The following MPDZ variants were observed in gnomAD, a reference collection of about 807,000 sequenced individuals.
MPDZ encodes multiple PDZ domain protein.
A neutral mutation model predicts 239.1 loss-of-function variants in MPDZ; 234 were observed. The ratio of observed to expected loss-of-function variants is 0.98; its 90% CI spans 0.88 to 1.09. MPDZ has a LOEUF of 1.09. MPDZ is among the 50% of genes least tolerant of loss of function. The pLI, the probability that MPDZ is intolerant of heterozygous loss-of-function variation, is 0.00. For missense variants in MPDZ, 3,175 were observed against 2,510.0 expected, an observed-to-expected ratio of 1.26 and a Z score of -5.66; for synonymous variants, 1,048 against 881.3, an observed-to-expected ratio of 1.19 and a Z score of -3.35.
intron 3 of MPDZ, among the ~76,000 whole-genome samples, chr9:13,227,497 G>C (rs1253211164): frequency 6.6e-6 from 1 of 151,994 alleles, no homozygotes; most frequent in African/African-American, 2.4e-5. Context: ...CACACACCAA[G>C]ACCTAATGGC....
chr9:13,198,250 T>C (rs775064155), intron 12 of MPDZ, among the ~76,000 whole-genome samples: 3 of 152,112 alleles, frequency 2.0e-5, no homozygotes, highest in Admixed American at 6.6e-5. Context: ...CACATCCTTG[T>C]CAGCATTCAT....
intron 24 of MPDZ, among the ~76,000 whole-genome samples, chr9:13,153,610 T>A (rs547608866): frequency 1.3e-5 from 2 of 152,026 alleles, no homozygotes; most frequent in Admixed American, 1.3e-4. Flanking sequence ...AGTGCTGAGA[T>A]TATAGGCATG....
intron 3 of MPDZ, among the ~76,000 whole-genome samples, chr9:13,226,683 A>C (rs1006081448): frequency 8.8e-5 from 13 of 148,516 alleles, no homozygotes; most frequent in African/African-American, 3.0e-4. Flanking sequence ...GGCACTCATT[A>C]CCACCTGATC....
chr9:13,162,360 A>C (rs1475713258), intron 23 of MPDZ, among the ~76,000 whole-genome samples: 1 of 152,080 alleles, frequency 6.6e-6, no homozygotes, highest in Non-Finnish European at 1.5e-5. Context: ...AAAAGAGTAA[A>C]AAAATCATAC....
chr9:13,110,072 CAGG>C lies in MPDZ; in HGVS notation c.5830-11_5830-9del, dbSNP rs1942182494. The C allele has an allele frequency of 1.2e-6, 2 of 1,607,242 alleles. No individual in the cohort carries two copies. Among genetic ancestry groups the C allele is most frequent in the Non-Finnish European group, 1.7e-6 (2 of 1,176,072 alleles). ...GTCTCCTCCAGCAACCACCTGCGCA[CAGG>C]AGGAGGATAAACAGAAAAAACACAT... On this transcript the variant is annotated splice_polypyrimidine_tract_variant and intron_variant, in intron 44 of 46. Transcript: ENST00000319217.
chr9:13,196,649 A>C (rs1432716387), intron 12 of MPDZ, among the ~76,000 whole-genome samples: 1 of 152,122 alleles, frequency 6.6e-6, no homozygotes, highest in Non-Finnish European at 1.5e-5. Context: ...CACAAAATCA[A>C]ACAAATGAAA....
chr9:13,146,704 A>G (rs979494891), intron 26 of MPDZ, among the ~76,000 whole-genome samples: 6 of 152,024 alleles, frequency 3.9e-5, no homozygotes, highest in Non-Finnish European at 7.4e-5. Flanking sequence ...AAGAACTTTC[A>G]AAGGGGTATG....
intron 2 of MPDZ, among the ~76,000 whole-genome samples, chr9:13,250,096 T>TA (rs1355418111): frequency 1.3e-5 from 2 of 152,204 alleles, no homozygotes; most frequent in Non-Finnish European, 2.9e-5. Context: ...TTTTTGCTTA[T>TA]AAGTAACGTA....
chr9:13,126,547 T>C lies in MPDZ; in HGVS notation c.4601A>G (p.Asp1534Gly), dbSNP rs1477401226. 1 of 1,578,738 alleles carries C rather than the reference T, an allele frequency of 6.3e-7. No individual in the cohort carries two copies. The highest frequency in any genetic ancestry group is 2.3e-5 in the East Asian group (1 of 43,604). The change falls in exon 34 of 47, where the codon GAT becomes GGT. Residue 1534 changes from aspartate (D) to glycine (G), a missense_variant. Asp to Gly is a moderately conservative substitution (Grantham distance 94, BLOSUM62 -1). Coordinates refer to ENST00000319217, the MANE Select transcript of MPDZ (RefSeq NM_001378778.1). The part of the protein sequence containing the change: ...KVGDQILAVD[D>G]EIVVGYPIEK... ...AATAGGGTAACCAACAACAATTTCA[T>C]CATCTACAGCCAGTATCTGATCTCC...
intron 36 of MPDZ, among the ~76,000 whole-genome samples, chr9:13,122,874 A>T (rs1197831275): frequency 6.6e-6 from 1 of 152,146 alleles, no homozygotes; most frequent in Non-Finnish European, 1.5e-5. Flanking sequence ...AGGAAATTAA[A>T]ATGTAGCAAG....
rs145889448 is a variant in MPDZ at position 13,212,791 on chromosome 9, TA to T, written c.1290+3982del. 8.1e-3 allele frequency among the ~76,000 whole-genome samples: 891 copies of T among 110,566 alleles called. 6 individuals carry two copies. Among genetic ancestry groups the T allele is most frequent in the African/African-American group, 0.023 (655 of 28,920 alleles). The allele number at this position is 110,566 out of a possible 152,430, so 72.5% of individuals were successfully genotyped here. On this transcript the variant is annotated intron_variant, in intron 10 of 46. Transcript: ENST00000319217. ...AGTTCAAGACCACCTGGTCAAGGTTTAAAAAAAAAAAAAAAAAAAAAAAGAA... is the reference window on the plus strand; with the variant it reads ...AGTTCAAGACCACCTGGTCAAGGTTTAAAAAAAAAAAAAAAAAAAAAAGAA...
chr9:13,250,184 T>G, intron 2 of MPDZ, 116 bp downstream of exon 2: 3 of 966,408 alleles, frequency 3.1e-6, no homozygotes, highest in Non-Finnish European at 4.5e-6. Flanking sequence ...GTAAAAACTT[T>G]TTAAATCTAG....
chr9:13,165,258 C>A, intron 22 of MPDZ: 1 of 1,068,522 alleles, frequency 9.4e-7, no homozygotes, highest in South Asian at 1.6e-5. Flanking sequence ...TATACAAAAT[C>A]TATATCTGGA....
chr9:13,252,101 A>G (rs1968195514), intron 1 of MPDZ, among the ~76,000 whole-genome samples: 1 of 152,206 alleles, frequency 6.6e-6, no homozygotes, highest in Non-Finnish European at 1.5e-5. Flanking sequence ...CCATATAGAT[A>G]GGCATTCCAA....
rs916943355 is a variant in MPDZ at position 13,250,472 on chromosome 9, C to T, written c.-57-100G>A. 55 of 620,778 alleles carry T rather than the reference C, an allele frequency of 8.9e-5. No homozygotes were observed. In the Middle Eastern group the frequency reaches 1.1e-3, roughly 12 times the overall value. The allele number at this position is 620,778 out of a possible 1,614,324, so 38.5% of individuals were successfully genotyped here. On this transcript the variant is annotated intron_variant, in intron 1 of 46. Transcript: ENST00000319217. ...CTTGATACAACTCTAATTCCTTTGA[C>T]CATTAAAATCTTGTTGATACAACTT... is the stretch of plus-strand genomic sequence containing the variant.
At chr9:13,120,272 C>T (rs1159569366) in intron 38 of MPDZ, 1 of 151,796 alleles carries the variant, frequency 6.6e-6, no homozygotes, top group Non-Finnish European at 1.5e-5. Flanking sequence ...CCCAAAACTT[C>T]TAAAGATACG....
intron 1 of MPDZ, 117 bp downstream of exon 1, chr9:13,279,283 C>A: frequency 7.3e-6 from 1 of 137,798 alleles, no homozygotes; most frequent in Non-Finnish European, 1.6e-5. Flanking sequence ...CCATCCCCGC[C>A]CCCACCCCCA....
At position 13,190,208 on chromosome 9, in the gene MPDZ, A is replaced by G. The variant is rs761409705; in HGVS notation, c.2060T>C (p.Val687Ala). 6 of 1,612,692 alleles carry G rather than the reference A, an allele frequency of 3.7e-6. No homozygotes were observed. The African/African-American group carries it at 6.7e-5, about 18-fold the overall frequency. ...CTCCCACATGGCCAAAGGTGCTTGA[A>G]CCTCTTCTGTACTCTGACCCGCATC... The part of the protein sequence containing the change: ...MTDAGQSTEE[V>A]QAPLAMWEAG... The change falls in exon 16 of 47, where the codon GTT becomes GCT. Residue 687 changes from valine to alanine, a missense_variant. Coordinates refer to ENST00000319217, the MANE Select transcript of MPDZ (RefSeq NM_001378778.1).
In MPDZ at chr9:13,149,728, G is replaced by A. The variant is rs191235456; in HGVS notation, c.3630+783C>T. Among the ~76,000 whole-genome samples, 72 of 152,106 alleles carry A rather than the reference G, an allele frequency of 4.7e-4. 1 individual carries two copies. The highest frequency in any genetic ancestry group is 1.5e-3 in the African/African-American group (63 of 41,516). On this transcript the variant is annotated intron_variant, in intron 25 of 46. Transcript: ENST00000319217. ...TAAATGAGTGAGTGACTTATGAGAG[G>A]AGAGTCTATTTAAAATATTGAACTT...
Sources: allele counts gnomAD v4.1 joint callset (sites outside exome capture counted in the v4.1 genomes callset), GRCh38; gene constraint gnomAD v4.1.1; transcripts MANE v1.5; gene names NCBI Gene and HGNC (gene_info 2026-07-23, HGNC 2026-07-21).